C1QTNF1: variants seen among roughly 807,000 people sequenced by gnomAD.
C1QTNF1 encodes C1q and TNF related 1, also known as complement C1q tumor necrosis factor-related protein 1.
A neutral mutation model predicts 27.8 loss-of-function variants in C1QTNF1; 22 were observed. The ratio of observed to expected loss-of-function variants is 0.79; its 90% confidence interval spans 0.56 to 1.13. The LOEUF (loss-of-function observed/expected upper bound fraction) is 1.13. Ranked by LOEUF, C1QTNF1 falls within the 50% of genes most tolerant of loss-of-function variation. The probability of loss-of-function intolerance (pLI) is 0.00; values close to 1 mark genes in which losing one functional copy is unlikely to be tolerated. For missense variants in C1QTNF1, 373 were observed against 380.2 expected (o/e 0.98, Z 0.16); for synonymous variants, 166 against 154.3 (o/e 1.08, Z -0.56).
rs898474767 is a variant in C1QTNF1 at position 79,038,118 on chromosome 17, T to A, written c.-14-5837T>A. 2.0e-5 allele frequency among the ~76,000 whole-genome samples: 3 copies of A among 151,630 alleles called. No individual in the cohort carries two copies. The East Asian group carries it at 5.8e-4, about 29-fold the overall frequency. ...AATTCTCCTGCCTCAGCCTCCCGAG[T>A]AGCTGGGACTACAGGTGCACCCCAC... On this transcript the variant is annotated intron_variant, in intron 1 of 3. Coordinates refer to ENST00000579760, the MANE Select transcript of C1QTNF1 (RefSeq NM_030968.5).
rs1307926053 is a variant in C1QTNF1 at position 79,046,519 on chromosome 17, G to A, written c.156-36G>A. 5.6e-6 allele frequency: 9 copies of A among 1,613,052 alleles called. No homozygotes were observed. The highest frequency in any genetic ancestry group is 7.6e-6 in the Non-Finnish European group (9 of 1,179,342). ...GAGAGCAGCGTTTCCAGGCCTGAGA[G>A]TGGCTGACTTTCACTGTGATTCTTT... On this transcript the variant is annotated intron_variant, in intron 2 of 3. Transcript: ENST00000579760. The surrounding 1 kb of genome is among the most constrained non-coding windows in gnomAD (Gnocchi z 4.8).
At chr17:79,034,165 C>T (rs917466694) in intron 1 of C1QTNF1, 1 of 152,348 alleles carries the variant, frequency 6.6e-6, no homozygotes, top group East Asian at 1.9e-4. Flanking sequence ...CATAGAATTC[C>T]CAGGTTCTTT....
chr17:79,031,698 C>T (rs1316872170), intron 1 of C1QTNF1, among the ~76,000 whole-genome samples: 1 of 152,226 alleles, frequency 6.6e-6, no homozygotes, highest in Non-Finnish European at 1.5e-5. Flanking sequence ...CCTGCCTCAG[C>T]CTCCCAAAGT....
intron 1 of C1QTNF1, among the ~76,000 whole-genome samples, chr17:79,030,038 C>T (rs925442253): frequency 5.9e-5 from 9 of 152,222 alleles, no homozygotes; most frequent in South Asian, 4.2e-4. Context: ...GAGCCTCAAA[C>T]GATGCAATAT....
At chr17:79,023,704 G>GCGCACACA (rs1267428917), upstream of C1QTNF1, among the ~76,000 whole-genome samples, 1,340 of 145,002 alleles carry the variant, frequency 9.2e-3, 18 homozygotes, top group African/African-American at 0.031. Context: ...GCGCGCGCGC[G>GCGCACACA]CACACACACA....
At position 79,044,042 on chromosome 17, in the gene C1QTNF1, G is replaced by A. The variant is rs760469654; in HGVS notation, c.74G>A (p.Ser25Asn). The stretch of plus-strand genomic sequence containing the variant: ...GCCTTTGCCTCTGGCCTGGTCCTGA[G>A]TCGTGTGCCCCATGTCCAGGGGGAA... Reference protein sequence around the residue: ...LLAFASGLVLSRVPHVQGEQQ... With the variant: ...LLAFASGLVLNRVPHVQGEQQ... The change falls in exon 2 of 4, where the codon AGT becomes AAT. Residue 25 changes from serine (S) to asparagine (N), a missense_variant. Coordinates refer to ENST00000579760, the MANE Select transcript of C1QTNF1 (RefSeq NM_030968.5). 2.5e-6 allele frequency: 4 copies of A among 1,614,014 alleles called. No homozygotes were observed. Among genetic ancestry groups the A allele is most frequent in the Non-Finnish European group, 3.4e-6 (4 of 1,179,908 alleles).
upstream of C1QTNF1, among the ~76,000 whole-genome samples, chr17:79,023,629 C>A (rs891576350): frequency 1.3e-5 from 2 of 152,142 alleles, no homozygotes; most frequent in African/African-American, 4.8e-5. Context: ...TCCTTCCTAA[C>A]CTTTAGATCA....
intron 1 of C1QTNF1, among the ~76,000 whole-genome samples, chr17:79,029,193 A>G (rs1249642080): frequency 6.6e-6 from 1 of 152,174 alleles, no homozygotes; most frequent in Non-Finnish European, 1.5e-5. Flanking sequence ...CAAGTAAGCA[A>G]ATTGGTGGGC....
chr17:79,025,903 CCATCAT>C (rs748650621), intron 1 of C1QTNF1: 6 of 431,622 alleles, frequency 1.4e-5, no homozygotes, highest in Non-Finnish European at 1.9e-5. Context: ...ATCATCATCA[CCATCAT>C]CATCATCATC....
rs562561932 is a variant in C1QTNF1 at position 79,047,661 on chromosome 17, G to C, written c.419G>C (p.Arg140Pro). Residue 140 changes from arginine to proline, a missense_variant, in exon 4 of 4, where the codon CGG becomes CCG. Physicochemically the swap from Arg to Pro is moderately radical, Grantham distance 103 (BLOSUM62 -2). Coordinates refer to ENST00000579760, the MANE Select transcript of C1QTNF1 (RefSeq NM_030968.5). ...GGCTCCATGGGGGCCCCTGGGGAGCGGTGCAAGAGCCACTACGCCGCCTTT... is the reference window on the plus strand; with the variant it reads ...GGCTCCATGGGGGCCCCTGGGGAGCCGTGCAAGAGCCACTACGCCGCCTTT... ...QKGSMGAPGERCKSHYAAFSV... is the reference protein window; with the variant it reads ...QKGSMGAPGEPCKSHYAAFSV... 2 of 1,611,342 alleles carry C rather than the reference G, an allele frequency of 1.2e-6. No homozygotes were observed. Among genetic ancestry groups the C allele is most frequent in the South Asian group, 2.2e-5 (2 of 90,956 alleles).
At chr17:79,044,381 C>T (rs1473290224) in intron 2 of C1QTNF1, among the ~76,000 whole-genome samples, 1 of 152,214 alleles carries the variant, frequency 6.6e-6, no homozygotes, top group Non-Finnish European at 1.5e-5. Context: ...CTGCAAGTGG[C>T]TTTGCAGCTG....
rs1224443292 is a variant in C1QTNF1 at position 79,046,111 on chromosome 17, AAG to A, written c.156-441_156-440del. Among the ~76,000 whole-genome samples the A allele has an allele frequency of 6.6e-6, 1 of 152,156 alleles. No homozygotes were observed. Among genetic ancestry groups the A allele is most frequent in the Non-Finnish European group, 1.5e-5 (1 of 68,020 alleles). ...GTCCTTCCAATCAGGTTGGAAACAT[AAG>A]AGTCTCTCCAGCGGCTACAGCTGAG... On this transcript the variant is annotated intron_variant, in intron 2 of 3. Transcript: ENST00000579760. This position sits in a 1 kb window ranked among gnomAD's most constrained non-coding sequence, Gnocchi z 4.8.
Position 79,044,013 on chromosome 17 carries a change from C to G in C1QTNF1, c.45C>G (p.Leu15=), listed in dbSNP as rs546960274. Residue 15 remains leucine (L), a synonymous_variant, in exon 2 of 4, where the codon CTC becomes CTG. Coordinates refer to ENST00000579760, the MANE Select transcript of C1QTNF1 (RefSeq NM_030968.5). The stretch of plus-strand genomic sequence containing the variant: ...GACTCTTGCTGGCGTACTGCCTGCT[C>G]CTTGCCTTTGCCTCTGGCCTGGTCC... ...GQGLLLAYCL[L]LAFASGLVLS... 1 of 1,614,090 alleles carries G rather than the reference C, an allele frequency of 6.2e-7. No individual in the cohort carries two copies. Among genetic ancestry groups the G allele is most frequent in the Non-Finnish European group, 8.5e-7 (1 of 1,180,046 alleles).
Position 79,048,033 on chromosome 17 carries a change from T to C in C1QTNF1, c.791T>C (p.Leu264Pro), listed in dbSNP as rs1179459637. The C allele has an allele frequency of 4.4e-6, 7 of 1,600,118 alleles. No homozygotes were observed. The highest frequency in any genetic ancestry group is 5.1e-6 in the Non-Finnish European group (6 of 1,175,324). Residue 264 changes from leucine to proline, a missense_variant, in exon 4 of 4, where the codon CTG becomes CCG. Physicochemically the swap from Leu to Pro is moderately conservative, Grantham distance 98. Transcript: ENST00000579760. ...ERENAIFSEE[L>P]DTYITFSGYL... ...GAGAACGCCATCTTCAGCGAGGAGC[T>C]GGACACCTACATCACCTTCAGTGGC...
intron 1 of C1QTNF1, among the ~76,000 whole-genome samples, chr17:79,036,962 C>T (rs192121880): frequency 4.3e-4 from 66 of 152,286 alleles, no homozygotes; most frequent in South Asian, 1.9e-3. Context: ...ATGCTTTTGT[C>T]AAAAGGCCCT....
rs2072586619 is a variant in C1QTNF1, at chr17:79,046,765, T to G, written c.295+71T>G. The G allele has an allele frequency of 6.3e-7, 1 of 1,588,748 alleles. No homozygotes were observed. ...TGCTGATCCGGAGGAAGGGATGGAGTCGTTAGGGTGGGGCTAGGCGAGAGC... is the reference window on the plus strand; with the variant it reads ...TGCTGATCCGGAGGAAGGGATGGAGGCGTTAGGGTGGGGCTAGGCGAGAGC... On this transcript the variant is annotated intron_variant, in intron 3 of 3. Coordinates refer to ENST00000579760, the MANE Select transcript of C1QTNF1 (RefSeq NM_030968.5). The surrounding 1 kb of genome is among the most constrained non-coding windows in gnomAD (Gnocchi z 4.8).
At chr17:79,044,563 C>T (rs891075946) in intron 2 of C1QTNF1, among the ~76,000 whole-genome samples, 12 of 152,154 alleles carry the variant, frequency 7.9e-5, no homozygotes, top group African/African-American at 2.9e-4. Flanking sequence ...ATGGCCCACG[C>T]GTCTTATCAC....
intron 2 of C1QTNF1, among the ~76,000 whole-genome samples, chr17:79,045,977 A>G (rs2072560436): frequency 6.6e-6 from 1 of 152,130 alleles, no homozygotes; most frequent in South Asian, 2.1e-4. Flanking sequence ...GGGTCTGCGC[A>G]GCTCTACAGC....
upstream of C1QTNF1, among the ~76,000 whole-genome samples, chr17:79,023,858 C>CA (rs2071840179): frequency 6.6e-6 from 1 of 152,246 alleles, no homozygotes; most frequent in African/African-American, 2.4e-5. Context: ...GGGTTGGCCA[C>CA]AGCGGATCCC....
Sources: gnomAD v4.1 joint callset for allele counts (sites outside exome capture counted in the v4.1 genomes callset) on GRCh38, gnomAD v4.1.1 for gene constraint, Gnocchi (gnomAD v3.1) non-coding constraint, MANE v1.5 for transcripts, NCBI Gene and HGNC (gene_info 2026-07-23, HGNC 2026-07-21) for gene names.